PI4K2A: variants seen among roughly 807,000 people sequenced by gnomAD.
PI4K2A encodes the protein phosphatidylinositol 4-kinase type 2 alpha.
PI4K2A carries 20 observed loss-of-function variants against 55.0 expected under a neutral mutation model. The ratio of observed to expected loss-of-function variants is 0.36; its 90% confidence interval spans 0.26 to 0.53. The LOEUF (loss-of-function observed/expected upper bound fraction) is 0.53, where lower values mean the gene tolerates loss of function less well. Ranked by LOEUF, PI4K2A falls within the 20% of genes least tolerant of loss-of-function variation. PI4K2A has a pLI of 0.91. For synonymous variants in PI4K2A, 235 were observed against 258.5 expected, an observed-to-expected ratio of 0.91 and a Z score of 0.87; for missense variants, 463 against 637.1, an observed-to-expected ratio of 0.73 and a Z score of 2.94.
rs1286781123 is a variant in PI4K2A at position 97,673,650 on chromosome 10, A to G, written c.1348A>G (p.Ile450Val). 3.1e-6 allele frequency: 5 copies of G among 1,613,964 alleles called. No individual in the cohort carries two copies. Among genetic ancestry groups the G allele is most frequent in the East Asian group, 4.5e-5 (2 of 44,874 alleles). The change falls in exon 9 of 9, where the codon ATT becomes GTT. Residue 450 changes from isoleucine to valine, a missense_variant. Around this residue, in one of 2 missense-constraint regions of PI4K2A, gnomAD observed 277 missense variants for 432.6 expected, o/e 0.64. Transcript: ENST00000370631. The stretch of plus-strand genomic sequence containing the variant: ...GCACCTCGTCCAGATGCCACCTGTG[A>G]TTGTCGAGACGGCCCGTTCCCACCA...
intron 6 of PI4K2A, among the ~76,000 whole-genome samples, chr10:97,665,321 C>A (rs1030584952): frequency 6.6e-6 from 1 of 152,056 alleles, no homozygotes; most frequent in Non-Finnish European, 1.5e-5. Flanking sequence ...GTTGCCCAGG[C>A]TAGAGTGCAA....
Position 97,656,513 on chromosome 10 carries a change from G to A in PI4K2A, c.768+97G>A, listed in dbSNP as rs533017772. On this transcript the variant is annotated intron_variant, in intron 3 of 8. Transcript: ENST00000370631. This position sits in a 1 kb window ranked among gnomAD's most constrained non-coding sequence, Gnocchi z 4.5. Reference sequence around the variant, plus strand: ...GTGCCTACAACTCAAATATGGGCACGTGAATAACCTGCCCTGAGGATCCTG... The same window carrying A: ...GTGCCTACAACTCAAATATGGGCACATGAATAACCTGCCCTGAGGATCCTG... The A allele has an allele frequency of 7.9e-6, 9 of 1,144,626 alleles. No individual in the cohort carries two copies. In the East Asian group the frequency reaches 1.2e-4, roughly 15 times the overall value. The allele number at this position is 1,144,626 out of a possible 1,614,324, so 70.9% of individuals were successfully genotyped here.
intron 1 of PI4K2A, among the ~76,000 whole-genome samples, chr10:97,648,711 G>A (rs1160427052): frequency 3.3e-5 from 5 of 152,250 alleles, no homozygotes; most frequent in East Asian, 1.9e-4. Flanking sequence ...TCCAGGGTCC[G>A]GAGGGTTACA....
chr10:97,655,685 C>T (rs1464321160), intron 2 of PI4K2A, among the ~76,000 whole-genome samples: 1 of 148,234 alleles, frequency 6.7e-6, no homozygotes, highest in Non-Finnish European at 1.5e-5. Context: ...AGCCATCCTC[C>T]CACCTCAGCC....
chr10:97,663,205 T>C (rs1012456473), intron 5 of PI4K2A, among the ~76,000 whole-genome samples: 4 of 152,244 alleles, frequency 2.6e-5, no homozygotes, highest in Non-Finnish European at 5.9e-5. Flanking sequence ...TGGAACATAT[T>C]ATGTACTCTG....
intron 1 of PI4K2A, among the ~76,000 whole-genome samples, chr10:97,650,418 A>G (rs551330871): frequency 1.3e-5 from 2 of 151,944 alleles, no homozygotes; most frequent in East Asian, 3.9e-4. Flanking sequence ...AGTAACTGGA[A>G]TTACAGGTGT....
exon 8 of PI4K2A, chr10:97,667,067 C>T: frequency 6.2e-7 from 1 of 1,613,388 alleles, no homozygotes; most frequent in Non-Finnish European, 8.5e-7. Flanking sequence ...GCAGAAAGAT[C>T]CTGGTTTCGA....
At chr10:97,663,628 C>T (rs2041596905) in intron 5 of PI4K2A, among the ~76,000 whole-genome samples, 1 of 151,188 alleles carries the variant, frequency 6.6e-6, no homozygotes, top group Non-Finnish European at 1.5e-5. Context: ...GAGTTCCAGC[C>T]TGGCCGACAT....
intron 4 of PI4K2A, among the ~76,000 whole-genome samples, chr10:97,659,494 G>A (rs550316059): frequency 6.6e-6 from 1 of 151,084 alleles, no homozygotes; most frequent in Non-Finnish European, 1.5e-5. Flanking sequence ...TCCAATTTGG[G>A]TGCTTTTTAT....
intron 4 of PI4K2A, among the ~76,000 whole-genome samples, chr10:97,662,681 C>T (rs1223770230): frequency 6.6e-6 from 1 of 152,200 alleles, no homozygotes; most frequent in East Asian, 1.9e-4. Flanking sequence ...CTGGGCTCCA[C>T]GTCCTCCCAT....
Position 97,656,528 on chromosome 10 carries a change from T to A in PI4K2A, c.768+112T>A. 1 of 1,010,588 alleles carries A rather than the reference T, an allele frequency of 9.9e-7. No individual in the cohort carries two copies. Among genetic ancestry groups the A allele is most frequent in the Non-Finnish European group, 1.5e-6 (1 of 675,424 alleles). 62.6% of individuals were successfully genotyped at this position (1,010,588 alleles called of 1,614,324 possible). ...ATATGGGCACGTGAATAACCTGCCC[T>A]GAGGATCCTGTCTTCCTTATTTCTG... On this transcript the variant is annotated intron_variant, in intron 3 of 8. Transcript: ENST00000370631. This position sits in a 1 kb window ranked among gnomAD's most constrained non-coding sequence, Gnocchi z 4.5.
At chr10:97,640,739 A>C (rs377631033) in exon 1 of PI4K2A, 3 of 1,492,558 alleles carry the variant, frequency 2.0e-6, no homozygotes, top group African/African-American at 2.9e-5. Context: ...CGGCTGTCTG[A>C]GGGATGGACG....
exon 9 of PI4K2A, chr10:97,673,962 A>G: frequency 1.9e-6 from 1 of 529,162 alleles, no homozygotes; most frequent in Non-Finnish European, 3.4e-6. Flanking sequence ...CTGGAGCTCC[A>G]TGCACGTAGT....
chr10:97,669,294 T>C (rs11189317), intron 8 of PI4K2A, among the ~76,000 whole-genome samples: 72,164 of 152,054 alleles, frequency 0.47, 18,260 homozygotes, highest in African/African-American at 0.66. Context: ...TTAAAAGCCA[T>C]GTGATAGACT....
At chr10:97,642,801 C>CTCTT in intron 1 of PI4K2A, among the ~76,000 whole-genome samples, 1 of 105,554 alleles carries the variant, frequency 9.5e-6, no homozygotes, top group East Asian at 2.5e-4. Flanking sequence ...TGCTTGCTTT[C>CTCTT]TCTTTCTTCC....
chr10:97,661,077 C>T (rs527561733), intron 4 of PI4K2A, among the ~76,000 whole-genome samples: 1 of 152,078 alleles, frequency 6.6e-6, no homozygotes, highest in Non-Finnish European at 1.5e-5. Context: ...CTGCAAGCTC[C>T]GCCTCCCGGG....
intron 8 of PI4K2A, among the ~76,000 whole-genome samples, chr10:97,672,722 GTTCTTTTTT>G (rs1359039027): frequency 3.2e-5 from 3 of 94,806 alleles, no homozygotes; most frequent in South Asian, 3.1e-4. Flanking sequence ...CAGAGGGTCT[GTTCTTTTTT>G]TTTTTTTTTT....
At chr10:97,674,399 C>T (rs937723462) in exon 9 of PI4K2A, 3 of 152,264 alleles carry the variant, frequency 2.0e-5, no homozygotes, top group African/African-American at 7.2e-5. Context: ...TTGCTTTACC[C>T]CCGCCAGCAC....
At chr10:97,650,825 A>T in intron 1 of PI4K2A, 116 bp from the exon 2 acceptor site, 1 of 732,254 alleles carries the variant, frequency 1.4e-6, no homozygotes, top group Non-Finnish European at 2.3e-6. Context: ...GTCCAACTGT[A>T]AGTAGGAATT....
Sources: allele counts gnomAD v4.1 joint callset (sites outside exome capture counted in the v4.1 genomes callset), GRCh38; gene constraint gnomAD v4.1.1; regional missense constraint gnomAD v4.1.1; non-coding constraint Gnocchi (gnomAD v3.1); transcripts MANE v1.5; gene names NCBI Gene and HGNC (gene_info 2026-07-23, HGNC 2026-07-21).